RABGAP1L: variants seen among roughly 807,000 people sequenced by gnomAD.
RABGAP1L encodes the protein RAB GTPase activating protein 1 like, also known as rab GTPase-activating protein 1-like.
Under a neutral mutation model 137.7 loss-of-function variants are expected in RABGAP1L, and 63 were observed. That is an observed-to-expected ratio of 0.46 (90% CI 0.37 to 0.56). The LOEUF is 0.56. Ranked by LOEUF, RABGAP1L falls within the 20% of genes least tolerant of loss-of-function variation. The pLI, the probability that RABGAP1L is intolerant of heterozygous loss-of-function variation, is 0.00. For synonymous variants in RABGAP1L, 431 were observed against 433.7 expected (o/e 0.99, Z 0.08); for missense variants, 1,095 against 1,244.0 (o/e 0.88, Z 1.80).
chr1:174,710,129 G>C (rs751041279), intron 17 of RABGAP1L, among the ~76,000 whole-genome samples: 6 of 152,160 alleles, frequency 3.9e-5, no homozygotes, highest in Non-Finnish European at 8.8e-5. Flanking sequence ...AGAATGAAAA[G>C]GAAGAAACAA....
intron 13 of RABGAP1L, among the ~76,000 whole-genome samples, chr1:174,481,488 G>C (rs1659082865): frequency 6.6e-6 from 1 of 152,064 alleles, no homozygotes; most frequent in Non-Finnish European, 1.5e-5. Flanking sequence ...TCTAAGGCCT[G>C]GTTCATAGGC....
chr1:174,316,326 G>T (rs1012599990), intron 11 of RABGAP1L, among the ~76,000 whole-genome samples: 2 of 152,178 alleles, frequency 1.3e-5, no homozygotes, highest in African/African-American at 4.8e-5. Context: ...GAGCATCAAA[G>T]AGTTAGGTAT....
chr1:174,826,262 A>G (rs1387974860), intron 19 of RABGAP1L, among the ~76,000 whole-genome samples: 3 of 151,922 alleles, frequency 2.0e-5, no homozygotes, highest in Non-Finnish European at 4.4e-5. Context: ...ACAGAGTTTC[A>G]CTCTCATTGC....
intron 10 of RABGAP1L, among the ~76,000 whole-genome samples, chr1:174,303,896 C>T (rs1677955464): frequency 6.6e-6 from 1 of 152,064 alleles, no homozygotes; most frequent in Non-Finnish European, 1.5e-5. Flanking sequence ...AGTTTTATTT[C>T]CAATCTGTAT....
At position 174,699,555 on chromosome 1, in the gene RABGAP1L, G is replaced by A; in HGVS notation, c.1930G>A (p.Val644Met). The A allele has an allele frequency of 1.2e-6, 2 of 1,612,348 alleles. No homozygotes were observed. The highest frequency in any genetic ancestry group is 8.5e-7 in the Non-Finnish European group (1 of 1,178,624). ...MPEEQAFCVLVKIMYDYGLRD... is the reference protein window; with the variant it reads ...MPEEQAFCVLMKIMYDYGLRD... Reference sequence around the variant, plus strand: ...AGAGGAACAAGCATTCTGTGTTTTGGTGAAAATCATGTACGACTATGGTTT... The same window carrying A: ...AGAGGAACAAGCATTCTGTGTTTTGATGAAAATCATGTACGACTATGGTTT... Residue 644 changes from valine to methionine, a missense_variant, in exon 16 of 26, where the codon GTG becomes ATG. This residue lies in a region of RABGAP1L where 315 missense variants were observed against 324.8 expected (regional missense o/e 0.97). Transcript: ENST00000681986.
chr1:174,705,435 A>C (rs1351779061), intron 17 of RABGAP1L: 1 of 152,226 alleles, frequency 6.6e-6, no homozygotes, highest in Non-Finnish European at 1.5e-5. Context: ...TGTGACTTAC[A>C]ATCAGTGTTT....
chr1:174,554,108 TC>T (rs1666727828), intron 13 of RABGAP1L, among the ~76,000 whole-genome samples: 1 of 152,202 alleles, frequency 6.6e-6, no homozygotes, highest in African/African-American at 2.4e-5. Flanking sequence ...TAGTTACTCC[TC>T]CTATAGTCTG....
At chr1:174,490,972 C>T (rs1227518944) in intron 13 of RABGAP1L, among the ~76,000 whole-genome samples, 1 of 152,080 alleles carries the variant, frequency 6.6e-6, no homozygotes, top group Non-Finnish European at 1.5e-5. Context: ...GGGTGGTGGG[C>T]TCCCCTCTGG....
At chr1:174,377,705 C>A (rs959143499) in intron 12 of RABGAP1L, among the ~76,000 whole-genome samples, 7 of 151,196 alleles carry the variant, frequency 4.6e-5, no homozygotes, top group Non-Finnish European at 8.8e-5. Flanking sequence ...CAGATAATAA[C>A]AAGTGTTGGC....
At chr1:174,867,490 A>G (rs573377572) in intron 19 of RABGAP1L, among the ~76,000 whole-genome samples, 26 of 152,292 alleles carry the variant, frequency 1.7e-4, no homozygotes, top group Non-Finnish European at 2.4e-4. Context: ...TAAAACTTCT[A>G]TTTCAGGATT....
chr1:174,722,202 A>G (rs569842894), intron 17 of RABGAP1L, among the ~76,000 whole-genome samples: 1 of 152,302 alleles, frequency 6.6e-6, no homozygotes, highest in Non-Finnish European at 1.5e-5. Flanking sequence ...TGCTGTGATT[A>G]TAGGTGTGAG....
At chr1:174,403,208 AGTGTGTGT>A (rs201238291) in intron 13 of RABGAP1L, among the ~76,000 whole-genome samples, 15 of 126,726 alleles carry the variant, frequency 1.2e-4, no homozygotes, top group East Asian at 6.6e-4. Context: ...TATATATGAG[AGTGTGTGT>A]GTGTGTGTGT....
chr1:174,965,053 C>A (rs931254681), intron 20 of RABGAP1L: 57 of 1,197,464 alleles, frequency 4.8e-5, no homozygotes, highest in Admixed American at 2.3e-4. Context: ...AATGCAGTAT[C>A]CTCCTCCCAA....
chr1:174,630,133 C>T (rs1032208264), intron 13 of RABGAP1L, among the ~76,000 whole-genome samples: 13 of 151,660 alleles, frequency 8.6e-5, no homozygotes, highest in East Asian at 5.8e-4. Context: ...AAGGCTTTTT[C>T]GGCATCTATT....
chr1:174,675,962 G>T (rs1245255149), intron 14 of RABGAP1L, among the ~76,000 whole-genome samples: 1 of 151,964 alleles, frequency 6.6e-6, no homozygotes, highest in African/African-American at 2.4e-5. Context: ...AGAGGTACCT[G>T]CAAGTAAAAC....
chr1:174,989,151 C>A (rs537187683), intron 25 of RABGAP1L, among the ~76,000 whole-genome samples: 1 of 152,242 alleles, frequency 6.6e-6, no homozygotes, highest in African/African-American at 2.4e-5. Flanking sequence ...ACTTCAGTGG[C>A]TGATCCTGAA....
intron 1 of RABGAP1L, among the ~76,000 whole-genome samples, chr1:174,161,728 T>C (rs1664474559): frequency 6.6e-6 from 1 of 151,778 alleles, no homozygotes; most frequent in South Asian, 2.1e-4. Flanking sequence ...ATAGATGAAG[T>C]TTGTTTGTTT....
At chr1:174,370,690 G>A (rs1048820133) in intron 11 of RABGAP1L, among the ~76,000 whole-genome samples, 13 of 150,418 alleles carry the variant, frequency 8.6e-5, no homozygotes, top group Non-Finnish European at 1.9e-4. Context: ...TTCCAGTTGT[G>A]CTACCATTAG....
chr1:174,479,708 T>C (rs1658890357), intron 13 of RABGAP1L, among the ~76,000 whole-genome samples: 1 of 152,214 alleles, frequency 6.6e-6, no homozygotes, highest in Non-Finnish European at 1.5e-5. Flanking sequence ...TATAATTTAC[T>C]AGGTGTATTA....
Sources: allele counts gnomAD v4.1 joint callset (sites outside exome capture counted in the v4.1 genomes callset), GRCh38; gene constraint gnomAD v4.1.1; regional missense constraint gnomAD v4.1.1; transcripts MANE v1.5; gene names NCBI Gene and HGNC (gene_info 2026-07-23, HGNC 2026-07-21).